The following SYN3 variants were observed in gnomAD, a reference collection of about 807,000 sequenced individuals.
SYN3 encodes synapsin-3.
A neutral mutation model predicts 65.8 loss-of-function variants in SYN3; 35 were observed. That is an observed-to-expected ratio of 0.53 (90% CI 0.41 to 0.70). The LOEUF (loss-of-function observed/expected upper bound fraction) is 0.70. SYN3 is among the 30% of genes least tolerant of loss of function. The pLI is 0.00. For synonymous variants in SYN3, 270 were observed against 292.9 expected, an observed-to-expected ratio of 0.92 and a Z score of 0.80; for missense variants, 680 against 749.0, an observed-to-expected ratio of 0.91 and a Z score of 1.08.
intron 6 of SYN3, among the ~76,000 whole-genome samples, chr22:32,830,480 G>A (rs991314327): frequency 2.0e-5 from 3 of 152,170 alleles, no homozygotes; most frequent in Non-Finnish European, 4.4e-5. Context: ...TCTTTGCCCT[G>A]TGTGCCCCTC....
intron 6 of SYN3, among the ~76,000 whole-genome samples, chr22:32,674,181 A>G (rs1346621552): frequency 6.6e-6 from 1 of 152,126 alleles, no homozygotes; most frequent in Non-Finnish European, 1.5e-5. Context: ...TTTCTGGTTT[A>G]GCAGAGACTG....
intron 6 of SYN3, among the ~76,000 whole-genome samples, chr22:32,821,750 C>T (rs1308044574): frequency 6.6e-6 from 1 of 152,206 alleles, no homozygotes; most frequent in Admixed American, 6.5e-5. Context: ...CCACGTAGCT[C>T]CTCTTGTCAC....
At chr22:32,695,188 T>C (rs751152322) in intron 6 of SYN3, among the ~76,000 whole-genome samples, 2 of 152,230 alleles carry the variant, frequency 1.3e-5, no homozygotes, top group Non-Finnish European at 2.9e-5. Flanking sequence ...TCATATTTCC[T>C]AAGTATTTTT....
At chr22:32,716,275 C>G (rs1477473359) in intron 6 of SYN3, among the ~76,000 whole-genome samples, 1 of 152,030 alleles carries the variant, frequency 6.6e-6, no homozygotes, top group East Asian at 1.9e-4. Context: ...CTTTCTGAAA[C>G]TGGGCACATA....
At chr22:32,599,374 T>G (rs2146605707) in intron 6 of SYN3, among the ~76,000 whole-genome samples, 1 of 151,378 alleles carries the variant, frequency 6.6e-6, no homozygotes, top group East Asian at 1.9e-4. Flanking sequence ...CAGGCTGGAG[T>G]GCAGTGGTGC....
chr22:32,804,298 C>A (rs1299685593), intron 6 of SYN3, among the ~76,000 whole-genome samples: 1 of 152,158 alleles, frequency 6.6e-6, no homozygotes. Context: ...CGACCTCCCT[C>A]GCCTTGCACA....
intron 6 of SYN3, among the ~76,000 whole-genome samples, chr22:32,690,906 C>A (rs1238506546): frequency 2.0e-5 from 3 of 152,154 alleles, no homozygotes; most frequent in Non-Finnish European, 4.4e-5. Context: ...GCATCACACT[C>A]CAGAGGCAGA....
chr22:32,644,101 A>AAGAG (rs1555914435), intron 6 of SYN3, among the ~76,000 whole-genome samples: 19,301 of 71,142 alleles, frequency 0.27, 7,533 homozygotes, highest in East Asian at 0.59. Flanking sequence ...AAAAAAAAAA[A>AAGAG]AGCGACAAGA....
chr22:32,564,411 C>A (rs562184776), intron 7 of SYN3, among the ~76,000 whole-genome samples: 1 of 152,324 alleles, frequency 6.6e-6, no homozygotes, highest in East Asian at 1.9e-4. Context: ...TTCTCTGTAA[C>A]CATGGCCAGC....
At chr22:32,720,685 GC>G (rs1270137800) in intron 6 of SYN3, among the ~76,000 whole-genome samples, 1 of 152,214 alleles carries the variant, frequency 6.6e-6, no homozygotes, top group African/African-American at 2.4e-5. Flanking sequence ...CATAAACCCG[GC>G]CTTGTGGCCT....
At chr22:32,964,269 G>C (rs1168859321) in intron 3 of SYN3, among the ~76,000 whole-genome samples, 2 of 135,414 alleles carry the variant, frequency 1.5e-5, no homozygotes, top group Non-Finnish European at 3.1e-5. Context: ...ATCACACACC[G>C]GGGCCTGTTG....
chr22:33,050,893 G>T (rs2054154657), intron 1 of SYN3, among the ~76,000 whole-genome samples: 1 of 152,200 alleles, frequency 6.6e-6, no homozygotes. Context: ...CTCGGATGAT[G>T]AAATAAATTA....
intron 6 of SYN3, among the ~76,000 whole-genome samples, chr22:32,660,151 A>T (rs2060196681): frequency 6.6e-6 from 1 of 152,282 alleles, no homozygotes; most frequent in Admixed American, 6.5e-5. Context: ...GCTAGAGGCT[A>T]TGAGAGGCAT....
intron 7 of SYN3, among the ~76,000 whole-genome samples, chr22:32,594,366 T>C (rs1374108474): frequency 6.6e-6 from 1 of 152,188 alleles, no homozygotes; most frequent in Non-Finnish European, 1.5e-5. Flanking sequence ...TTATTAGAAT[T>C]ATCATTTGAC....
intron 6 of SYN3, among the ~76,000 whole-genome samples, chr22:32,608,884 G>A (rs952208748): frequency 6.6e-6 from 1 of 152,150 alleles, no homozygotes; most frequent in African/African-American, 2.4e-5. Context: ...AAACTGATAC[G>A]CAGTTAAAAT....
At chr22:33,045,043 A>C (rs532553465) in intron 1 of SYN3, among the ~76,000 whole-genome samples, 1 of 152,196 alleles carries the variant, frequency 6.6e-6, no homozygotes, top group East Asian at 1.9e-4. Context: ...GGGTTTCTCC[A>C]TGTTGGTCAG....
intron 6 of SYN3, among the ~76,000 whole-genome samples, chr22:32,640,425 T>A (rs2059879149): frequency 6.6e-6 from 1 of 152,184 alleles, no homozygotes; most frequent in Non-Finnish European, 1.5e-5. Flanking sequence ...CCTTGAGAGA[T>A]GACTTTAAGC....
intron 3 of SYN3, among the ~76,000 whole-genome samples, chr22:32,949,498 T>C (rs1245118487): frequency 1.3e-5 from 2 of 152,098 alleles, no homozygotes; most frequent in Non-Finnish European, 2.9e-5. Flanking sequence ...AAGCACCTGT[T>C]TGTAATTAAA....
intron 2 of SYN3, among the ~76,000 whole-genome samples, chr22:32,991,051 G>A (rs568776304): frequency 9.9e-4 from 150 of 152,116 alleles, no homozygotes; most frequent in Admixed American, 1.6e-3. Flanking sequence ...TTATCTGGAC[G>A]TGGTGCCTGT....
Sources: gnomAD v4.1 joint callset for allele counts (sites outside exome capture counted in the v4.1 genomes callset) on GRCh38, gnomAD v4.1.1 for gene constraint, MANE v1.5 for transcripts, NCBI Gene and HGNC (gene_info 2026-07-23, HGNC 2026-07-21) for gene names.